FHIT: variants seen among roughly 807,000 people sequenced by gnomAD.
FHIT encodes fragile histidine triad diadenosine triphosphatase, also known as bis(5'-adenosyl)-triphosphatase.
FHIT carries 19 observed loss-of-function variants against 17.9 expected under a neutral mutation model. That is an observed-to-expected ratio of 1.06 (90% CI 0.74 to 1.56). FHIT has a LOEUF of 1.56. Among genes scored for constraint, FHIT ranks in the 40% most tolerant of loss-of-function variants. The pLI, the probability that FHIT is intolerant of heterozygous loss-of-function variation, is 0.00. For missense variants in FHIT, 248 were observed against 189.2 expected (o/e 1.31, Z -1.82); for synonymous variants, 81 against 69.7 (o/e 1.16, Z -0.81).
intron 1 of FHIT, among the ~76,000 whole-genome samples, chr3:61,251,098 T>A (rs1046860486): frequency 6.6e-6 from 1 of 152,136 alleles, no homozygotes; most frequent in African/African-American, 2.4e-5. Flanking sequence ...GGGTTAGGGC[T>A]AGGGTCGGTG....
chr3:61,246,986 C>A (rs2040502379), intron 1 of FHIT, among the ~76,000 whole-genome samples: 1 of 152,014 alleles, frequency 6.6e-6, no homozygotes, highest in Admixed American at 6.6e-5. Flanking sequence ...TCTTTCTGCT[C>A]ATCAAATCCC....
intron 5 of FHIT, among the ~76,000 whole-genome samples, chr3:60,019,720 G>C (rs550593730): frequency 2.7e-4 from 41 of 152,192 alleles, no homozygotes; most frequent in African/African-American, 8.9e-4. Context: ...GCCCAGCCGA[G>C]ATGGATCTTA....
Position 60,694,628 on chromosome 3 carries a change from G to A in FHIT, c.-18+127291C>T, listed in dbSNP as rs181492032. ...ACACATGCACACATATGTTTATTGC[G>A]GCACTATTCACAATAGCAAAGACCT... On this transcript the variant is annotated intron_variant, in intron 4 of 9. Transcript: ENST00000492590. 5.8e-3 allele frequency among the ~76,000 whole-genome samples: 877 copies of A among 152,126 alleles called. 4 individuals carry two copies. The highest frequency in any genetic ancestry group is 0.015 in the South Asian group (72 of 4,816).
chr3:60,567,768 CAA>C (rs2037193797), intron 4 of FHIT, among the ~76,000 whole-genome samples: 1 of 150,364 alleles, frequency 6.7e-6, no homozygotes, highest in African/African-American at 2.5e-5. Flanking sequence ...AAGAAAAAAA[CAA>C]ACAGTCCCAG....
At chr3:60,035,705 G>A (rs923236069) in intron 5 of FHIT, among the ~76,000 whole-genome samples, 1 of 152,128 alleles carries the variant, frequency 6.6e-6, no homozygotes, top group African/African-American at 2.4e-5. Context: ...TGCTAGGATG[G>A]GTCCCAACTG....
intron 5 of FHIT, among the ~76,000 whole-genome samples, chr3:60,194,661 G>T (rs894604555): frequency 6.6e-5 from 10 of 152,132 alleles, no homozygotes; most frequent in African/African-American, 2.4e-4. Context: ...CAGAATGGGT[G>T]AAAATATTTG....
chr3:60,318,505 A>T (rs151162160), intron 5 of FHIT, among the ~76,000 whole-genome samples: 23 of 152,326 alleles, frequency 1.5e-4, no homozygotes, highest in Non-Finnish European at 2.5e-4. Flanking sequence ...ACAAAAACAC[A>T]GAAATAGGTC....
chr3:59,756,162 A>G (rs1218533586), intron 8 of FHIT, among the ~76,000 whole-genome samples: 1 of 152,158 alleles, frequency 6.6e-6, no homozygotes, highest in Non-Finnish European at 1.5e-5. Context: ...TCTAGGAGTA[A>G]AAGTATTTTT....
At chr3:59,976,619 C>T (rs1166949178) in intron 7 of FHIT, among the ~76,000 whole-genome samples, 7 of 152,138 alleles carry the variant, frequency 4.6e-5, no homozygotes, top group African/African-American at 7.2e-5. Context: ...CAGCCTCTCA[C>T]GCAGCCCTAC....
chr3:59,966,437 C>T (rs1415191450), intron 7 of FHIT, among the ~76,000 whole-genome samples: 2 of 152,146 alleles, frequency 1.3e-5, no homozygotes, highest in Non-Finnish European at 2.9e-5. Flanking sequence ...AATGGGGATA[C>T]ATGCTGAGAA....
chr3:59,758,433 G>A (rs190858253), intron 8 of FHIT, among the ~76,000 whole-genome samples: 6 of 152,284 alleles, frequency 3.9e-5, no homozygotes, highest in East Asian at 3.9e-4. Context: ...GAATAGGCAC[G>A]CACAACAGGG....
intron 5 of FHIT, among the ~76,000 whole-genome samples, chr3:60,118,394 C>G (rs976400547): frequency 6.6e-6 from 1 of 151,854 alleles, no homozygotes; most frequent in Non-Finnish European, 1.5e-5. Flanking sequence ...ACGTGTGAGC[C>G]ACTGCACCCG....
chr3:61,147,612 CA>C (rs145160215), intron 2 of FHIT, among the ~76,000 whole-genome samples: 2 of 151,124 alleles, frequency 1.3e-5, no homozygotes, highest in South Asian at 4.2e-4. Context: ...CCGAAGATAA[CA>C]AAAAAAATTC....
intron 5 of FHIT, among the ~76,000 whole-genome samples, chr3:60,212,834 G>C (rs1022734538): frequency 2.6e-4 from 39 of 152,188 alleles, no homozygotes; most frequent in Non-Finnish European, 3.2e-4. Context: ...ACATGGCGGA[G>C]CAATCCTGGG....
chr3:60,399,332 G>A (rs1330155670), intron 5 of FHIT, among the ~76,000 whole-genome samples: 2 of 152,126 alleles, frequency 1.3e-5, no homozygotes, highest in Non-Finnish European at 2.9e-5. Flanking sequence ...AGAAGAAGTA[G>A]TATCTTCTCA....
intron 5 of FHIT, among the ~76,000 whole-genome samples, chr3:60,042,988 C>T (rs1388898367): frequency 2.0e-5 from 3 of 152,106 alleles, no homozygotes; most frequent in Admixed American, 2.0e-4. Context: ...CACTGGGCAA[C>T]AGAGGGAAAA....
rs76952101 is a variant in FHIT at position 60,392,948 on chromosome 3, C to T, written c.103+143912G>A. ...TCGGGAAAGGTGGCTGAAGCTTTAG[C>T]GGAGAAACAGCTAGGGAAGCTTCAT... On this transcript the variant is annotated intron_variant, in intron 5 of 9. Coordinates refer to ENST00000492590, the MANE Select transcript of FHIT (RefSeq NM_002012.4). 5.6e-3 allele frequency among the ~76,000 whole-genome samples: 857 copies of T among 152,186 alleles called. 5 individuals are homozygous for T. Among genetic ancestry groups the T allele is most frequent in the South Asian group, 0.017 (81 of 4,816 alleles).
chr3:61,006,319 T>A (rs1174548558), intron 3 of FHIT, among the ~76,000 whole-genome samples: 2 of 152,202 alleles, frequency 1.3e-5, no homozygotes, highest in African/African-American at 4.8e-5. Flanking sequence ...ATTTCTTCCT[T>A]TTATCATTTG....
intron 8 of FHIT, among the ~76,000 whole-genome samples, chr3:59,810,222 C>T (rs1262486645): frequency 2.0e-5 from 3 of 152,090 alleles, no homozygotes; most frequent in Admixed American, 1.3e-4. Context: ...TGTCTTACCA[C>T]ATGAAAAACA....
Sources: gnomAD v4.1 joint callset for allele counts (sites outside exome capture counted in the v4.1 genomes callset) on GRCh38, gnomAD v4.1.1 for gene constraint, MANE v1.5 for transcripts, NCBI Gene and HGNC (gene_info 2026-07-23, HGNC 2026-07-21) for gene names.